SRCIN1: variants seen among roughly 807,000 people sequenced by gnomAD.
SRCIN1 encodes the protein SRC kinase signaling inhibitor 1, also known as P130Cas-associated protein.
Under a neutral mutation model 116.2 loss-of-function variants are expected in SRCIN1, and 50 were observed. The ratio of observed to expected loss-of-function variants is 0.43; its 90% CI spans 0.34 to 0.54. SRCIN1 has a LOEUF of 0.54. Ranked by LOEUF, SRCIN1 falls within the 20% of genes least tolerant of loss-of-function variation. SRCIN1 has a pLI of 0.02. For synonymous variants in SRCIN1, 736 were observed against 750.0 expected (o/e 0.98, Z 0.30); for missense variants, 1,446 against 1,672.0 (o/e 0.86, Z 2.36).
chr17:38,546,673 G>C (rs905113612), intron 17 of SRCIN1: 1 of 152,526 alleles, frequency 6.6e-6, no homozygotes. Flanking sequence ...CCCAGGAGGC[G>C]CCCCTTCCAT....
chr17:38,543,588 G>C (rs1904883081), intron 18 of SRCIN1, among the ~76,000 whole-genome samples: 1 of 152,206 alleles, frequency 6.6e-6, no homozygotes, highest in East Asian at 1.9e-4. Context: ...ACTCCTGAGA[G>C]GGGAGGTGCC....
rs1299214824 is a variant in SRCIN1, at chr17:38,572,373, G to A, written c.325-4142C>T. Among the ~76,000 whole-genome samples the A allele has an allele frequency of 7.2e-6, 1 of 139,070 alleles. No individual in the cohort carries two copies. Among genetic ancestry groups the A allele is most frequent in the Admixed American group, 7.1e-5 (1 of 14,120 alleles). 91.2% of individuals were successfully genotyped at this position (139,070 alleles called of 152,430 possible). On this transcript the variant is annotated intron_variant, in intron 2 of 18. Coordinates refer to ENST00000617146, the MANE Select transcript of SRCIN1 (RefSeq NM_025248.3). The surrounding 1 kb of genome is among the most constrained non-coding windows in gnomAD (Gnocchi z 4.3). ...GAGTGTGTGTGTGGGTGGGTGGGTGGGGGTGCTGTGGGACGCTGGGGAAGA... is the reference window on the plus strand; with the variant it reads ...GAGTGTGTGTGTGGGTGGGTGGGTGAGGGTGCTGTGGGACGCTGGGGAAGA...
chr17:38,584,264 G>T (rs979591485), intron 1 of SRCIN1, among the ~76,000 whole-genome samples: 7 of 152,334 alleles, frequency 4.6e-5, no homozygotes, highest in Middle Eastern at 3.4e-3. Context: ...CAGGGATGGG[G>T]TTGGGGAAAC....
rs530572995 is a variant in SRCIN1, at chr17:38,598,444, C to G, written c.22+7240G>C. ...GAGACTGCAGAACACGTCCCCCCCG[C>G]AATCTCCCCAGCTCTGCACAAGCAG... On this transcript the variant is annotated intron_variant, in intron 1 of 18. Coordinates refer to ENST00000617146, the MANE Select transcript of SRCIN1 (RefSeq NM_025248.3). Among the ~76,000 whole-genome samples, 6 of 152,246 alleles carry G rather than the reference C, an allele frequency of 3.9e-5. No homozygotes were observed. In the South Asian group the frequency reaches 1.2e-3, roughly 32 times the overall value.
rs1270749588 is a variant in SRCIN1, at chr17:38,585,124, G to A, written c.23-6333C>T. ...GGGGTAGGAGCTGGGTTATAGCCCT[G>A]GCAGGAAGCGAGGGCAGGAGGCACT... On this transcript the variant is annotated intron_variant, in intron 1 of 18. Transcript: ENST00000617146. The surrounding 1 kb of genome is among the most constrained non-coding windows in gnomAD (Gnocchi z 4.2). Among the ~76,000 whole-genome samples, 1 of 152,208 alleles carries A rather than the reference G, an allele frequency of 6.6e-6. No individual in the cohort carries two copies. The highest frequency in any genetic ancestry group is 2.4e-5 in the African/African-American group (1 of 41,448).
intron 18 of SRCIN1, among the ~76,000 whole-genome samples, chr17:38,537,614 AC>A (rs1904469035): frequency 6.6e-6 from 1 of 151,794 alleles, no homozygotes; most frequent in African/African-American, 2.4e-5. Context: ...ACAGGGTGAA[AC>A]CCTGTCTCTA....
chr17:38,592,369 T>G (rs559238717), intron 1 of SRCIN1, among the ~76,000 whole-genome samples: 1 of 152,254 alleles, frequency 6.6e-6, no homozygotes, highest in Admixed American at 6.5e-5. Flanking sequence ...CTGCCCTGCC[T>G]CCCCAAGGTG....
In SRCIN1 at chr17:38,558,420, G is replaced by A. The variant is rs758287525; in HGVS notation, c.2026-18C>T. The A allele has an allele frequency of 5.1e-6, 8 of 1,576,340 alleles. No individual in the cohort carries two copies. The South Asian group carries it at 5.6e-5, about 11-fold the overall frequency. ...TTCTGTAGCTGCGGGACGCACGGAC[G>A]GATGGACCCGGGTGGGGGGAGCGGA... On this transcript the variant is annotated intron_variant, in intron 10 of 18. Coordinates refer to ENST00000617146, the MANE Select transcript of SRCIN1 (RefSeq NM_025248.3). The surrounding 1 kb of genome is among the most constrained non-coding windows in gnomAD (Gnocchi z 4.6).
chr17:38,602,095 AG>A lies in SRCIN1; in HGVS notation c.22+3588del, dbSNP rs1308795363. ...ATCGGGTAGAGGAACCCTGACCCCG[AG>A]GTTCTAGGCTGCTTGGCAGGAGTTG... On this transcript the variant is annotated intron_variant, in intron 1 of 18. Transcript: ENST00000617146. The surrounding 1 kb of genome is among the most constrained non-coding windows in gnomAD (Gnocchi z 4.2). 3 of 152,188 alleles carry A rather than the reference AG, an allele frequency of 2.0e-5. No individual in the cohort carries two copies. The highest frequency in any genetic ancestry group is 2.9e-5 in the Non-Finnish European group (2 of 68,078). 9.4% of individuals were successfully genotyped at this position (152,188 alleles called of 1,614,324 possible).
rs1906115934 is a variant in SRCIN1, at chr17:38,559,920, GGTGGGGACCAAA to G, written c.1837+122_1837+133del. On this transcript the variant is annotated intron_variant, in intron 9 of 18. Coordinates refer to ENST00000617146, the MANE Select transcript of SRCIN1 (RefSeq NM_025248.3). ...CCTGCCCCAAGTGGTCAGCCCTAAC[GGTGGGGACCAAA>G]GTGCCAGGAAAAAGACCTCTTGGGC... The G allele has an allele frequency of 4.2e-5, 56 of 1,348,736 alleles. 1 individual carries two copies. In the South Asian group the frequency reaches 7.2e-4, roughly 17 times the overall value. The allele number at this position is 1,348,736 out of a possible 1,614,324, so 83.5% of individuals were successfully genotyped here.
chr17:38,548,111 G>A (rs1054384060), intron 17 of SRCIN1, among the ~76,000 whole-genome samples: 10 of 152,148 alleles, frequency 6.6e-5, no homozygotes, highest in East Asian at 1.9e-4. Flanking sequence ...GGCTGAGAAC[G>A]CTTGAGTGTG....
rs564876588 is a variant in SRCIN1 at position 38,563,080 on chromosome 17, C to A, written c.741-160G>T. 6.6e-6 allele frequency among the ~76,000 whole-genome samples: 1 copy of A among 152,346 alleles called. No individual in the cohort carries two copies. Among genetic ancestry groups the A allele is most frequent in the African/African-American group, 2.4e-5 (1 of 41,570 alleles). ...CGCCCAGCAGCCTCCACCCCGGCCT[C>A]TTCCTGGCCTCCGGCGCCATTTTCA... On this transcript the variant is annotated intron_variant, in intron 5 of 18. Transcript: ENST00000617146. This position sits in a 1 kb window ranked among gnomAD's most constrained non-coding sequence, Gnocchi z 5.8.
chr17:38,548,517 C>A (rs1266428030), intron 17 of SRCIN1, 40 bp downstream of exon 17: 4 of 1,602,948 alleles, frequency 2.5e-6, no homozygotes, highest in South Asian at 2.2e-5. Context: ...GGGAAGGGGG[C>A]CTGGCTGAGA....
upstream of SRCIN1, chr17:38,605,992 GGCGCGCGCGCGGCGCGGGC>G (rs1246560361): frequency 6.9e-6 from 1 of 143,940 alleles, no homozygotes; most frequent in Non-Finnish European, 1.5e-5. Context: ...ACTGCGGGCG[GGCGCGCGCGCGGCGCGGGC>G]GCGCGCGTGT....
Position 38,568,292 on chromosome 17 carries a change from C to G in SRCIN1, c.325-61G>C, listed in dbSNP as rs1424186189. The G allele has an allele frequency of 6.4e-7, 1 of 1,567,804 alleles. No individual in the cohort carries two copies. Among genetic ancestry groups the G allele is most frequent in the Non-Finnish European group, 8.7e-7 (1 of 1,145,160 alleles). On this transcript the variant is annotated intron_variant, in intron 2 of 18. Transcript: ENST00000617146. The surrounding 1 kb of genome is among the most constrained non-coding windows in gnomAD (Gnocchi z 4.5). The stretch of plus-strand genomic sequence containing the variant: ...GGGGCCCAGGAGGGGAAAAGAGGGG[C>G]AGGGGCAGGTTAGAGACCCTTGGAA...
chr17:38,590,480 C>A (rs1160203273), intron 1 of SRCIN1, among the ~76,000 whole-genome samples: 1 of 152,236 alleles, frequency 6.6e-6, no homozygotes, highest in Non-Finnish European at 1.5e-5. Flanking sequence ...AGGTGATCTG[C>A]CCGCCTTGGC....
At position 38,562,905 on chromosome 17, in the gene SRCIN1, G is replaced by A. The variant is rs371774912; in HGVS notation, c.756C>T (p.Arg252=). ...CCTTTCTGTAGATCTTGATAATACT[G>A]CGGTCCTGGATGTCCCTGGGAGAGG... The part of the protein sequence containing the change: ...ELEDVRDIQD[R]SIIKIYRKEP... The change falls in exon 6 of 19, where the codon CGC becomes CGT. Residue 252 remains arginine, a synonymous_variant. Transcript: ENST00000617146. The surrounding 1 kb of genome is among the most constrained non-coding windows in gnomAD (Gnocchi z 4.2). 1 of 1,613,720 alleles carries A rather than the reference G, an allele frequency of 6.2e-7. No homozygotes were observed. Among genetic ancestry groups the A allele is most frequent in the Non-Finnish European group, 8.5e-7 (1 of 1,179,770 alleles).
intron 18 of SRCIN1, among the ~76,000 whole-genome samples, chr17:38,536,075 G>T (rs1473311820): frequency 6.6e-6 from 1 of 152,216 alleles, no homozygotes; most frequent in African/African-American, 2.4e-5. Flanking sequence ...AACAGCCAGT[G>T]CAAGACCTTT....
At position 38,563,232 on chromosome 17, in the gene SRCIN1, G is replaced by C. The variant is rs1906405173; in HGVS notation, c.740+91C>G. On this transcript the variant is annotated intron_variant, in intron 5 of 18. Transcript: ENST00000617146. The surrounding 1 kb of genome is among the most constrained non-coding windows in gnomAD (Gnocchi z 5.8). ...AGGGGAAAGGCTGAGGTCGGGTCAG[G>C]AAGGAGCTGGGGAAGGGCCGGCGGG... 8 of 1,445,748 alleles carry C rather than the reference G, an allele frequency of 5.5e-6. No individual in the cohort carries two copies. The highest frequency in any genetic ancestry group is 2.1e-5 in the Admixed American group (1 of 47,580). 89.6% of individuals were successfully genotyped at this position (1,445,748 alleles called of 1,614,324 possible). A position where few individuals can be genotyped will look rare whatever the true frequency, so the allele number is the denominator to read the frequency against.
Sources: gnomAD v4.1 joint callset for allele counts (sites outside exome capture counted in the v4.1 genomes callset) on GRCh38, gnomAD v4.1.1 for gene constraint, Gnocchi (gnomAD v3.1) non-coding constraint, MANE v1.5 for transcripts, NCBI Gene and HGNC (gene_info 2026-07-23, HGNC 2026-07-21) for gene names.